The following HS3ST3A1 variants were observed in gnomAD, a reference collection of about 807,000 sequenced individuals.
HS3ST3A1 encodes the protein heparan sulfate-glucosamine 3-sulfotransferase 3A1.
HS3ST3A1 carries 19 observed loss-of-function variants against 25.7 expected under a neutral mutation model. The ratio of observed to expected loss-of-function variants is 0.74; its 90% CI spans 0.52 to 1.08. HS3ST3A1 has a LOEUF of 1.08. Among genes scored for constraint, HS3ST3A1 ranks in the 50% least tolerant of loss-of-function variants. The pLI is 0.00. For synonymous variants in HS3ST3A1, 226 were observed against 278.6 expected, an observed-to-expected ratio of 0.81 and a Z score of 1.88; for missense variants, 459 against 594.3, an observed-to-expected ratio of 0.77 and a Z score of 2.37.
chr17:13,503,512 A>G (rs975413848), intron 1 of HS3ST3A1, among the ~76,000 whole-genome samples: 1 of 152,228 alleles, frequency 6.6e-6, no homozygotes, highest in East Asian at 1.9e-4. Context: ...ATTACATTGT[A>G]TATATATTGA....
intron 1 of HS3ST3A1, among the ~76,000 whole-genome samples, chr17:13,586,778 G>T (rs994497294): frequency 6.9e-6 from 1 of 144,086 alleles, no homozygotes; most frequent in African/African-American, 2.6e-5. Flanking sequence ...GCTGAGGCAG[G>T]AGAATGGCAT....
intron 1 of HS3ST3A1, among the ~76,000 whole-genome samples, chr17:13,567,331 T>A (rs1394214633): frequency 6.6e-6 from 1 of 152,214 alleles, no homozygotes; most frequent in Admixed American, 6.5e-5. Flanking sequence ...TGATAATGCA[T>A]CTGGTTATCT....
At chr17:13,565,390 G>A (rs546526896) in intron 1 of HS3ST3A1, among the ~76,000 whole-genome samples, 1 of 152,144 alleles carries the variant, frequency 6.6e-6, no homozygotes, top group African/African-American at 2.4e-5. Flanking sequence ...AAATTAGCTC[G>A]GCATGGTGGC....
intron 1 of HS3ST3A1, among the ~76,000 whole-genome samples, chr17:13,541,064 A>C (rs931113570): frequency 3.3e-5 from 5 of 152,334 alleles, no homozygotes; most frequent in African/African-American, 1.2e-4. Flanking sequence ...ACTGAAAGCT[A>C]TGATATAAAC....
chr17:13,530,775 G>T (rs12949546), intron 1 of HS3ST3A1, among the ~76,000 whole-genome samples: 67,745 of 151,998 alleles, frequency 0.45, 17,252 homozygotes, highest in African/African-American at 0.71. Context: ...CAACTCAATC[G>T]CTCAGTTTTC....
At chr17:13,563,052 G>A (rs113004480) in intron 1 of HS3ST3A1, among the ~76,000 whole-genome samples, 1,668 of 151,158 alleles carry the variant, frequency 0.011, 28 homozygotes, top group African/African-American at 0.036. Context: ...GAAGGTCCAC[G>A]ATAAGTGGGA....
At chr17:13,600,255 G>T (rs1415607365) in intron 1 of HS3ST3A1, among the ~76,000 whole-genome samples, 1 of 151,826 alleles carries the variant, frequency 6.6e-6, no homozygotes, top group Non-Finnish European at 1.5e-5. Flanking sequence ...GAATACTTTC[G>T]CAGAGCAGGA....
intron 1 of HS3ST3A1, among the ~76,000 whole-genome samples, chr17:13,522,853 GACACACAC>G (rs374742145): frequency 1.3e-5 from 2 of 148,348 alleles, no homozygotes; most frequent in African/African-American, 2.5e-5. Flanking sequence ...CACACAGAGA[GACACACAC>G]ACACACACAC....
chr17:13,509,284 A>C (rs1021808927), intron 1 of HS3ST3A1, among the ~76,000 whole-genome samples: 85 of 152,318 alleles, frequency 5.6e-4, no homozygotes, highest in African/African-American at 1.9e-3. Context: ...TCAGATATGC[A>C]ATGGTTTAAA....
chr17:13,536,203 G>A (rs1042448221), intron 1 of HS3ST3A1, among the ~76,000 whole-genome samples: 1 of 152,026 alleles, frequency 6.6e-6, no homozygotes, highest in Non-Finnish European at 1.5e-5. Flanking sequence ...TGGTTTCAAG[G>A]TCTCTTTTCA....
At chr17:13,588,714 C>T (rs560208539) in intron 1 of HS3ST3A1, among the ~76,000 whole-genome samples, 6 of 149,618 alleles carry the variant, frequency 4.0e-5, no homozygotes, top group Non-Finnish European at 7.4e-5. Flanking sequence ...GACGGAGTCT[C>T]GCTCTGTTGC....
At chr17:13,560,780 T>G (rs1227442022) in intron 1 of HS3ST3A1, among the ~76,000 whole-genome samples, 1 of 152,220 alleles carries the variant, frequency 6.6e-6, no homozygotes, top group Non-Finnish European at 1.5e-5. Context: ...ACTGAAGTAC[T>G]TAGTACCTCA....
At chr17:13,529,996 T>G (rs1008729582) in intron 1 of HS3ST3A1, among the ~76,000 whole-genome samples, 5 of 112,458 alleles carry the variant, frequency 4.4e-5, no homozygotes, top group African/African-American at 1.7e-4. Flanking sequence ...ATCAATCAAT[T>G]TATGTAACTA....
At chr17:13,599,502 CAA>C (rs1908661957) in intron 1 of HS3ST3A1, among the ~76,000 whole-genome samples, 1 of 151,488 alleles carries the variant, frequency 6.6e-6, no homozygotes, top group Admixed American at 6.6e-5. Context: ...GTTAAAATAA[CAA>C]AGAGAATGCA....
chr17:13,514,511 G>T (rs1276954176), intron 1 of HS3ST3A1, among the ~76,000 whole-genome samples: 1 of 152,146 alleles, frequency 6.6e-6, no homozygotes, highest in Non-Finnish European at 1.5e-5. Flanking sequence ...ATACTAAGTT[G>T]CTATGTATCC....
At chr17:13,548,817 TG>T (rs1415676501) in intron 1 of HS3ST3A1, among the ~76,000 whole-genome samples, 1 of 151,860 alleles carries the variant, frequency 6.6e-6, no homozygotes, top group Non-Finnish European at 1.5e-5. Context: ...CTGTAAAAAA[TG>T]CACCAATCAG....
At chr17:13,512,305 C>CAAAAAAAAAAAAA (rs67523378) in intron 1 of HS3ST3A1, among the ~76,000 whole-genome samples, 6 of 82,094 alleles carry the variant, frequency 7.3e-5, no homozygotes, top group African/African-American at 3.0e-4. Context: ...GACTCCGTCT[C>CAAAAAAAAAAAAA]AAAAAAAAAA....
intron 1 of HS3ST3A1, among the ~76,000 whole-genome samples, chr17:13,521,819 T>C (rs8073722): frequency 0.13 from 20,095 of 152,216 alleles, 1,618 homozygotes; most frequent in East Asian, 0.27. Flanking sequence ...TGGATACAAC[T>C]CTTTAGATAG....
chr17:13,519,945 C>A (rs921686723), intron 1 of HS3ST3A1, among the ~76,000 whole-genome samples: 1 of 152,120 alleles, frequency 6.6e-6, no homozygotes, highest in African/African-American at 2.4e-5. Flanking sequence ...TTAGAGGTAG[C>A]AGGATGGGAA....
Sources: allele counts gnomAD v4.1 joint callset (sites outside exome capture counted in the v4.1 genomes callset), GRCh38; gene constraint gnomAD v4.1.1; transcripts MANE v1.5; gene names NCBI Gene and HGNC (gene_info 2026-07-23, HGNC 2026-07-21).